CTNND2: variants seen among roughly 807,000 people sequenced by gnomAD.
CTNND2 encodes catenin delta 2.
Under a neutral mutation model 144.4 loss-of-function variants are expected in CTNND2, and 22 were observed. That is an observed-to-expected ratio of 0.15 (90% CI 0.11 to 0.22). CTNND2 has a LOEUF of 0.22. CTNND2 is among the 10% of genes least tolerant of loss of function. CTNND2 has a pLI of 1.00. For missense variants in CTNND2, 1,353 were observed against 1,618.8 expected, an observed-to-expected ratio of 0.84 and a Z score of 2.82; for synonymous variants, 751 against 695.6, an observed-to-expected ratio of 1.08 and a Z score of -1.25.
At chr5:11,220,415 G>T (rs967690674) in intron 10 of CTNND2, among the ~76,000 whole-genome samples, 1 of 152,172 alleles carries the variant, frequency 6.6e-6, no homozygotes, top group Non-Finnish European at 1.5e-5. Context: ...GGGAAATGCA[G>T]ACAGGAGCTT....
intron 3 of CTNND2, among the ~76,000 whole-genome samples, chr5:11,513,170 A>G (rs1396739679): frequency 6.6e-6 from 1 of 152,194 alleles, no homozygotes; most frequent in East Asian, 1.9e-4. Flanking sequence ...GCCCAGCCCC[A>G]TTCAACAGCA....
chr5:11,490,237 C>T (rs545637184), intron 3 of CTNND2, among the ~76,000 whole-genome samples: 2 of 152,164 alleles, frequency 1.3e-5, no homozygotes, highest in South Asian at 2.1e-4. Context: ...TGAAGCCAGA[C>T]GCTGACAGTC....
At chr5:11,130,260 C>A (rs1040133461) in intron 12 of CTNND2, among the ~76,000 whole-genome samples, 1 of 132,038 alleles carries the variant, frequency 7.6e-6, no homozygotes, top group Non-Finnish European at 1.6e-5. Flanking sequence ...TCATACCACA[C>A]CCCCCCCATC....
chr5:11,057,752 T>C (rs1746489644), intron 16 of CTNND2, among the ~76,000 whole-genome samples: 1 of 152,180 alleles, frequency 6.6e-6, no homozygotes, highest in Admixed American at 6.5e-5. Flanking sequence ...TAGAAAAATA[T>C]GGGAAAGTTT....
chr5:11,573,829 T>C (rs1467325456), intron 2 of CTNND2, among the ~76,000 whole-genome samples: 1 of 152,152 alleles, frequency 6.6e-6, no homozygotes, highest in East Asian at 1.9e-4. Context: ...AACTCCTTCA[T>C]TCTGCAGTGT....
At chr5:11,072,239 C>G (rs771747424) in intron 16 of CTNND2, among the ~76,000 whole-genome samples, 2 of 152,220 alleles carry the variant, frequency 1.3e-5, no homozygotes, top group Non-Finnish European at 2.9e-5. Flanking sequence ...GTTAATGTTG[C>G]AGTCTTAGTG....
At chr5:11,250,708 G>A (rs1312130104) in intron 9 of CTNND2, among the ~76,000 whole-genome samples, 2 of 151,414 alleles carry the variant, frequency 1.3e-5, no homozygotes, top group African/African-American at 4.9e-5. Context: ...CTACAGACAG[G>A]GTCTCACTAG....
chr5:11,440,877 GC>G (rs1330760411), intron 3 of CTNND2, among the ~76,000 whole-genome samples: 4 of 152,120 alleles, frequency 2.6e-5, no homozygotes, highest in Non-Finnish European at 5.9e-5. Flanking sequence ...CTATACTTTT[GC>G]TTTTATATGC....
intron 3 of CTNND2, among the ~76,000 whole-genome samples, chr5:11,461,774 A>C (rs1766246800): frequency 6.6e-6 from 1 of 152,242 alleles, no homozygotes. Context: ...ACGTTCAGGG[A>C]AACTACTATC....
At chr5:11,769,358 A>C (rs913489434) in intron 1 of CTNND2, among the ~76,000 whole-genome samples, 22 of 152,230 alleles carry the variant, frequency 1.4e-4, no homozygotes, top group African/African-American at 5.3e-4. Context: ...ATTTATAATT[A>C]ACTACAATAA....
chr5:11,407,218 T>C (rs905006139), intron 5 of CTNND2, among the ~76,000 whole-genome samples: 1 of 152,218 alleles, frequency 6.6e-6, no homozygotes, highest in Non-Finnish European at 1.5e-5. Context: ...TTATTTTTTA[T>C]TGTTTTGTTT....
chr5:11,294,642 G>C (rs1413196443), intron 9 of CTNND2, among the ~76,000 whole-genome samples: 1 of 152,160 alleles, frequency 6.6e-6, no homozygotes, highest in Non-Finnish European at 1.5e-5. Flanking sequence ...CCATGATCAA[G>C]TCGGCTTCAT....
chr5:11,233,262 C>T (rs1157830705), intron 10 of CTNND2, among the ~76,000 whole-genome samples: 1 of 151,746 alleles, frequency 6.6e-6, no homozygotes, highest in Non-Finnish European at 1.5e-5. Flanking sequence ...AGCAAATTCT[C>T]AAAATTGCAC....
intron 15 of CTNND2, among the ~76,000 whole-genome samples, chr5:11,091,373 A>G (rs1750755277): frequency 6.6e-6 from 1 of 152,218 alleles, no homozygotes; most frequent in Non-Finnish European, 1.5e-5. Context: ...TGTAACTTTT[A>G]AAATGTTTTG....
chr5:11,815,780 G>A (rs927440901), intron 1 of CTNND2, among the ~76,000 whole-genome samples: 6 of 152,186 alleles, frequency 3.9e-5, no homozygotes, highest in Admixed American at 6.5e-5. Context: ...ACAGCTGAGA[G>A]CAGCGACCAT....
chr5:11,380,374 A>G (rs1758355590), intron 7 of CTNND2, among the ~76,000 whole-genome samples: 1 of 152,200 alleles, frequency 6.6e-6, no homozygotes, highest in South Asian at 2.1e-4. Flanking sequence ...ACTTCTATTG[A>G]GCCAGAAAAT....
intron 18 of CTNND2, among the ~76,000 whole-genome samples, chr5:11,002,498 T>C (rs1185340354): frequency 1.3e-5 from 2 of 152,156 alleles, no homozygotes; most frequent in African/African-American, 2.4e-5. Context: ...GCTCATTCCA[T>C]GTAATAGAGT....
intron 1 of CTNND2, among the ~76,000 whole-genome samples, chr5:11,763,063 A>C (rs973648256): frequency 1.8e-4 from 27 of 152,070 alleles, no homozygotes; most frequent in Non-Finnish European, 4.4e-5. Context: ...GTGAGTTCTC[A>C]TGAGACCTGG....
chr5:11,729,363 T>C (rs1787200903), intron 2 of CTNND2, among the ~76,000 whole-genome samples: 1 of 152,204 alleles, frequency 6.6e-6, no homozygotes, highest in Non-Finnish European at 1.5e-5. Context: ...CTAATCAATA[T>C]TAATAGTTTG....
Sources: gnomAD v4.1 joint callset for allele counts (sites outside exome capture counted in the v4.1 genomes callset) on GRCh38, gnomAD v4.1.1 for gene constraint, MANE v1.5 for transcripts, NCBI Gene and HGNC (gene_info 2026-07-23, HGNC 2026-07-21) for gene names.